The following AGBL4 variants were observed in gnomAD, a reference collection of about 807,000 sequenced individuals.
AGBL4 encodes the protein AGBL carboxypeptidase 4, also known as cytosolic carboxypeptidase 6.
AGBL4 carries 58 observed loss-of-function variants against 66.4 expected under a neutral mutation model. That is an observed-to-expected ratio of 0.87 (90% CI 0.71 to 1.09). The LOEUF is 1.09. AGBL4 is among the 50% of genes least tolerant of loss of function. AGBL4 has a pLI of 0.00. For missense variants in AGBL4, 579 were observed against 631.0 expected, an observed-to-expected ratio of 0.92 and a Z score of 0.88; for synonymous variants, 234 against 222.9, an observed-to-expected ratio of 1.05 and a Z score of -0.44.
intron 5 of AGBL4, among the ~76,000 whole-genome samples, chr1:48,984,677 A>G (rs1312760219): frequency 2.6e-5 from 4 of 151,734 alleles, no homozygotes; most frequent in Admixed American, 2.6e-4. Flanking sequence ...ATGCCTATAT[A>G]TGTTCCCATG....
intron 4 of AGBL4, among the ~76,000 whole-genome samples, chr1:49,220,805 GCTT>G: frequency 1.3e-5 from 2 of 152,230 alleles, no homozygotes; most frequent in East Asian, 3.9e-4. Flanking sequence ...CAGAGGCTCT[GCTT>G]CTTCATCTTT....
chr1:48,752,640 T>C (rs1354771429), intron 6 of AGBL4, among the ~76,000 whole-genome samples: 1 of 152,238 alleles, frequency 6.6e-6, no homozygotes, highest in African/African-American at 2.4e-5. Context: ...CCAAGTGCTA[T>C]ATACACATTT....
intron 3 of AGBL4, chr1:49,268,315 A>G (rs1643970674): frequency 6.6e-6 from 1 of 151,984 alleles, no homozygotes; most frequent in African/African-American, 2.4e-5. Context: ...GGAAGAAGCT[A>G]TAGGTTTTCT....
chr1:49,857,485 C>T (rs2148075807), intron 1 of AGBL4, among the ~76,000 whole-genome samples: 1 of 151,962 alleles, frequency 6.6e-6, no homozygotes, highest in Non-Finnish European at 1.5e-5. Context: ...AAACAAAAAG[C>T]CATAATAGTC....
At chr1:49,392,698 T>TACACACAC (rs55786055) in intron 3 of AGBL4, among the ~76,000 whole-genome samples, 18 of 147,622 alleles carry the variant, frequency 1.2e-4, no homozygotes, top group African/African-American at 4.5e-4. Flanking sequence ...CAACTGTGTA[T>TACACACAC]ACACACACAC....
chr1:49,693,724 T>A (rs1466929823), intron 3 of AGBL4, among the ~76,000 whole-genome samples: 3 of 151,968 alleles, frequency 2.0e-5, no homozygotes, highest in Admixed American at 6.6e-5. Flanking sequence ...GATAAAAAAA[T>A]ACAAAAAAGA....
intron 3 of AGBL4, among the ~76,000 whole-genome samples, chr1:49,648,147 C>T (rs905413226): frequency 7.2e-5 from 11 of 152,050 alleles, no homozygotes; most frequent in African/African-American, 2.6e-4. Context: ...ATGGGCAATA[C>T]AGGCAGAGAT....
intron 3 of AGBL4, among the ~76,000 whole-genome samples, chr1:49,591,404 A>G (rs1268231208): frequency 6.6e-6 from 1 of 152,130 alleles, no homozygotes; most frequent in African/African-American, 2.4e-5. Context: ...AAAATTACTT[A>G]TATAACATTG....
chr1:48,541,628 G>T (rs561953548), intron 11 of AGBL4, among the ~76,000 whole-genome samples: 1 of 152,114 alleles, frequency 6.6e-6, no homozygotes, highest in South Asian at 2.1e-4. Flanking sequence ...AATTAGTTGG[G>T]CGTTGGGGCG....
rs148310101 is a variant in AGBL4 at position 48,909,581 on chromosome 1, A to C, written c.595-42351T>G. 4.7e-4 allele frequency among the ~76,000 whole-genome samples: 71 copies of C among 152,362 alleles called. 1 individual carries two copies. In the South Asian group the frequency reaches 9.9e-3, roughly 21 times the overall value. ...ATTAGAGTGAATTTGGAGCAAGCCC[A>C]TAAGCAGGGACTAAATTTTTTCCTC... is the stretch of plus-strand genomic sequence containing the variant. On this transcript the variant is annotated intron_variant, in intron 5 of 13. Transcript: ENST00000371839.
intron 4 of AGBL4, among the ~76,000 whole-genome samples, chr1:49,129,085 C>T (rs1645828117): frequency 6.6e-6 from 1 of 151,766 alleles, no homozygotes; most frequent in Non-Finnish European, 1.5e-5. Context: ...AACAAATGGA[C>T]AAAAAGCTCA....
At chr1:48,648,105 T>A (rs1407421564) in intron 8 of AGBL4, among the ~76,000 whole-genome samples, 1 of 152,074 alleles carries the variant, frequency 6.6e-6, no homozygotes, top group African/African-American at 2.4e-5. Flanking sequence ...AAGTGTAGGG[T>A]TTGATGGCAT....
chr1:49,341,689 G>C (rs1263322765), intron 3 of AGBL4, among the ~76,000 whole-genome samples: 1 of 152,112 alleles, frequency 6.6e-6, no homozygotes, highest in Non-Finnish European at 1.5e-5. Context: ...CAGGATCATA[G>C]GACGTGAGAA....
chr1:49,282,681 A>T (rs1484347196), intron 3 of AGBL4, among the ~76,000 whole-genome samples: 3 of 152,204 alleles, frequency 2.0e-5, no homozygotes, highest in Non-Finnish European at 1.5e-5. Flanking sequence ...GCGCGAGCCA[A>T]AGCAGGGCGA....
At chr1:49,626,656 C>T (rs998932535) in intron 3 of AGBL4, among the ~76,000 whole-genome samples, 1 of 151,166 alleles carries the variant, frequency 6.6e-6, no homozygotes, top group Non-Finnish European at 1.5e-5. Context: ...GAGAATAGTG[C>T]CATGTTGGTG....
At chr1:48,947,261 C>A (rs920963691) in intron 5 of AGBL4, among the ~76,000 whole-genome samples, 4 of 152,202 alleles carry the variant, frequency 2.6e-5, no homozygotes. Flanking sequence ...TTTAAAATAG[C>A]AAGCTATGTG....
At chr1:49,567,073 G>A (rs1171010397) in intron 3 of AGBL4, among the ~76,000 whole-genome samples, 2 of 152,182 alleles carry the variant, frequency 1.3e-5, no homozygotes, top group Non-Finnish European at 2.9e-5. Flanking sequence ...AATGAGCGAG[G>A]CTCCGTGGGC....
At chr1:49,472,983 G>C (rs574250880) in intron 3 of AGBL4, among the ~76,000 whole-genome samples, 1 of 151,896 alleles carries the variant, frequency 6.6e-6, no homozygotes, top group African/African-American at 2.4e-5. Flanking sequence ...TCCATGTTGC[G>C]GCAAAGAACA....
intron 3 of AGBL4, among the ~76,000 whole-genome samples, chr1:49,686,657 T>A (rs1646793548): frequency 6.6e-6 from 1 of 152,208 alleles, no homozygotes; most frequent in Non-Finnish European, 1.5e-5. Context: ...TTATCTGTCT[T>A]ATTCAATGCT....
Sources: allele counts gnomAD v4.1 joint callset (sites outside exome capture counted in the v4.1 genomes callset), GRCh38; gene constraint gnomAD v4.1.1; transcripts MANE v1.5; gene names NCBI Gene and HGNC (gene_info 2026-07-23, HGNC 2026-07-21).